Variants in NTM observed in about 807,000 individuals in gnomAD.
The protein encoded by NTM is IgLON family member 2.
NTM carries 13 observed loss-of-function variants against 42.1 expected under a neutral mutation model. The observed-to-expected ratio is 0.31, with a 90% confidence interval of 0.20 to 0.49. The LOEUF is 0.49. Among genes scored for constraint, NTM ranks in the 20% least tolerant of loss-of-function variants. The probability of loss-of-function intolerance (pLI) is 0.99; values close to 1 mark genes in which losing one functional copy is unlikely to be tolerated. For missense variants in NTM, 373 were observed against 452.8 expected, an observed-to-expected ratio of 0.82 and a Z score of 1.60; for synonymous variants, 187 against 179.2, an observed-to-expected ratio of 1.04 and a Z score of -0.35.
At chr11:132,291,586 C>T (rs903206805) in intron 4 of NTM, among the ~76,000 whole-genome samples, 40 of 152,158 alleles carry the variant, frequency 2.6e-4, no homozygotes, top group Middle Eastern at 3.4e-3. Context: ...ATGTTCAAAG[C>T]CACAGAATAA....
rs114497471 is a variant in NTM, at chr11:132,186,057, A to G, written c.401-25965A>G. Among the ~76,000 whole-genome samples the G allele has an allele frequency of 9.7e-3, 1,484 of 152,310 alleles. 16 individuals carry two copies. The highest frequency in any genetic ancestry group is 0.034 in the African/African-American group (1,398 of 41,570). ...CTAAAGAGTTCTGCCTTAGATAGTT[A>G]AGAGGATGATTGAAATCAATAAATC... On this transcript the variant is annotated intron_variant, in intron 3 of 8. Coordinates refer to ENST00000683400, the MANE Select transcript of NTM (RefSeq NM_001352005.2).
chr11:132,125,285 TTG>T (rs57511761), intron 2 of NTM, among the ~76,000 whole-genome samples: 111,490 of 149,432 alleles, frequency 0.75, 42,081 homozygotes, highest in African/African-American at 0.83. Context: ...TGGTGTGTGT[TTG>T]TGTGTGTGTG....
chr11:132,024,671 G>A (rs947641432), intron 2 of NTM, among the ~76,000 whole-genome samples: 4 of 152,150 alleles, frequency 2.6e-5, no homozygotes, highest in African/African-American at 4.8e-5. Context: ...CCTCAGATGC[G>A]CAGATACAGT....
intron 1 of NTM, among the ~76,000 whole-genome samples, chr11:131,622,898 A>G (rs1401966104): frequency 6.6e-6 from 1 of 152,150 alleles, no homozygotes; most frequent in Non-Finnish European, 1.5e-5. Flanking sequence ...TCACTAACAC[A>G]CTGGTTGCCT....
chr11:132,334,387 T>C (rs914563933), intron 8 of NTM, among the ~76,000 whole-genome samples: 2 of 152,198 alleles, frequency 1.3e-5, no homozygotes, highest in Non-Finnish European at 2.9e-5. Flanking sequence ...TTGACTCACC[T>C]CCATCCATGT....
intron 1 of NTM, among the ~76,000 whole-genome samples, chr11:131,789,780 C>T (rs1347277984): frequency 7.6e-6 from 1 of 130,902 alleles, no homozygotes; most frequent in South Asian, 2.4e-4. Flanking sequence ...CACGGTGAAA[C>T]CCCGTCTCTA....
At chr11:131,753,445 A>T (rs1219307092) in intron 1 of NTM, among the ~76,000 whole-genome samples, 1 of 152,150 alleles carries the variant, frequency 6.6e-6, no homozygotes, top group Non-Finnish European at 1.5e-5. Flanking sequence ...ATGCACACCT[A>T]TATTTATTGC....
intron 1 of NTM, among the ~76,000 whole-genome samples, chr11:131,483,542 G>A (rs893455360): frequency 1.3e-5 from 2 of 152,206 alleles, no homozygotes; most frequent in African/African-American, 2.4e-5. Context: ...CACTGAAAGT[G>A]GAAATTAAGT....
At chr11:131,424,255 G>T (rs763270539) in intron 1 of NTM, among the ~76,000 whole-genome samples, 3 of 152,102 alleles carry the variant, frequency 2.0e-5, no homozygotes, top group East Asian at 1.9e-4. Context: ...TAGCAGATGG[G>T]AAATCAATTG....
intron 1 of NTM, among the ~76,000 whole-genome samples, chr11:131,657,422 C>T (rs1052486753): frequency 6.6e-6 from 1 of 152,218 alleles, no homozygotes; most frequent in Admixed American, 6.5e-5. Context: ...GTTTTTAATG[C>T]CACATGTCAG....
chr11:132,181,261 G>A (rs2077535225), intron 3 of NTM, among the ~76,000 whole-genome samples: 1 of 152,032 alleles, frequency 6.6e-6, no homozygotes. Context: ...ATACCTGTTG[G>A]CTTTCCTCTG....
intron 1 of NTM, among the ~76,000 whole-genome samples, chr11:131,830,708 T>C (rs1446397406): frequency 6.6e-6 from 1 of 152,214 alleles, no homozygotes; most frequent in Non-Finnish European, 1.5e-5. Context: ...CTGTGAAAAA[T>C]GACATTGATA....
intron 1 of NTM, among the ~76,000 whole-genome samples, chr11:131,609,421 T>TGCCCACA (rs2137519019): frequency 6.6e-6 from 1 of 152,352 alleles, no homozygotes; most frequent in African/African-American, 2.4e-5. Context: ...GGAAGCACCT[T>TGCCCACA]GCCCACACTC....
intron 2 of NTM, among the ~76,000 whole-genome samples, chr11:132,051,237 T>C (rs1228598093): frequency 6.6e-6 from 1 of 152,194 alleles, no homozygotes; most frequent in African/African-American, 2.4e-5. Flanking sequence ...GACACCGTTC[T>C]GACTGCTTCA....
intron 2 of NTM, among the ~76,000 whole-genome samples, chr11:132,031,068 A>G (rs2075854165): frequency 6.6e-6 from 1 of 152,148 alleles, no homozygotes; most frequent in East Asian, 1.9e-4. Flanking sequence ...GCAAGCCTCA[A>G]TCCTGTCTAC....
At chr11:131,596,948 G>T (rs1238798741) in intron 1 of NTM, among the ~76,000 whole-genome samples, 1 of 152,202 alleles carries the variant, frequency 6.6e-6, no homozygotes, top group Non-Finnish European at 1.5e-5. Context: ...ATGTTCCAGG[G>T]CAGGAAGCAT....
intron 1 of NTM, among the ~76,000 whole-genome samples, chr11:131,791,723 T>C (rs2090966278): frequency 6.6e-6 from 1 of 152,206 alleles, no homozygotes; most frequent in African/African-American, 2.4e-5. Flanking sequence ...GATGTGTGAA[T>C]GAATGAATGC....
intron 1 of NTM, among the ~76,000 whole-genome samples, chr11:131,710,971 T>A (rs993818972): frequency 1.3e-5 from 2 of 152,260 alleles, no homozygotes; most frequent in East Asian, 1.9e-4. Flanking sequence ...GGTTTGCTTC[T>A]CTCCAAGGCC....
intron 2 of NTM, among the ~76,000 whole-genome samples, chr11:131,993,727 G>T (rs1487054250): frequency 1.3e-5 from 2 of 152,134 alleles, no homozygotes; most frequent in Non-Finnish European, 2.9e-5. Context: ...GACAGGCTGA[G>T]CGGTGGCTCA....
Sources: gnomAD v4.1 joint callset for allele counts (sites outside exome capture counted in the v4.1 genomes callset) on GRCh38, gnomAD v4.1.1 for gene constraint, MANE v1.5 for transcripts, NCBI Gene and HGNC (gene_info 2026-07-23, HGNC 2026-07-21) for gene names.